CPS1: variants seen among roughly 807,000 people sequenced by gnomAD.
The protein encoded by CPS1 is carbamoyl-phosphate synthase [ammonia], mitochondrial.
Under a neutral mutation model 174.6 loss-of-function variants are expected in CPS1, and 109 were observed. The observed-to-expected ratio is 0.62, with a 90% CI of 0.53 to 0.73. CPS1 has a LOEUF of 0.73. Among genes scored for constraint, CPS1 ranks in the 30% least tolerant of loss-of-function variants. The pLI is 0.00. For synonymous variants in CPS1, 637 were observed against 632.0 expected, an observed-to-expected ratio of 1.01 and a Z score of -0.12; for missense variants, 1,689 against 1,821.9, an observed-to-expected ratio of 0.93 and a Z score of 1.33.
At chr2:210,599,698 A>C in intron 14 of CPS1, 137 bp downstream of exon 14, 1 of 863,838 alleles carries the variant, frequency 1.2e-6, no homozygotes, top group Non-Finnish European at 1.9e-6. Context: ...GCAGTTAGCA[A>C]ACAGCCACTT....
At chr2:210,548,668 A>G (rs1462782438) in intron 1 of CPS1, among the ~76,000 whole-genome samples, 1 of 151,504 alleles carries the variant, frequency 6.6e-6, no homozygotes, top group Non-Finnish European at 1.5e-5. Flanking sequence ...CCCCTTCTTC[A>G]TCTCCTTCTT....
At position 210,594,574 on chromosome 2, in the gene CPS1, C is replaced by A; in HGVS notation, c.1231C>A (p.Pro411Thr). ...AGCTACCACCATTACATCAGTCTTA[C>A]CGAAGCCAGCACTAGTTGCATCTCG... The part of the protein sequence containing the change: ...GKATTITSVL[P>T]KPALVASRVE... The change falls in exon 12 of 38, where the codon CCG (proline) becomes ACG (threonine). Residue 411 changes from proline (P) to threonine (T), a missense_variant. By Grantham distance (38) the Pro-to-Thr change is conservative. Transcript: ENST00000233072. 1 of 1,611,236 alleles carries A rather than the reference C, an allele frequency of 6.2e-7. No homozygotes were observed. Among genetic ancestry groups the A allele is most frequent in the Non-Finnish European group, 8.5e-7 (1 of 1,178,234 alleles).
Position 210,642,599 on chromosome 2 carries a change from TGA to T in CPS1, c.3077_3078del (p.Glu1026ValfsTer2). 1 of 1,614,084 alleles carries T rather than the reference TGA, an allele frequency of 6.2e-7. No individual in the cohort carries two copies. The highest frequency in any genetic ancestry group is 8.5e-7 in the Non-Finnish European group (1 of 1,179,994). Reference protein sequence around the residue: ...NPETVSTDFDECDKLYFEELS... With the variant: ...NPETVSTDFDXCDKLYFEELS... ...CTGAGACTGTGAGCACAGACTTTGATGAGTGTGACAAACTGTACTTTGAAGAG... is the reference window on the plus strand; with the variant it reads ...CTGAGACTGTGAGCACAGACTTTGATGTGTGACAAACTGTACTTTGAAGAG... On this transcript the variant is annotated frameshift_variant, in exon 25 of 38. Coordinates refer to ENST00000233072, the MANE Select transcript of CPS1 (RefSeq NM_001875.5). LOFTEE classifies it high-confidence loss of function.
chr2:210,545,227 G>A (rs1313239473), intron 1 of CPS1, among the ~76,000 whole-genome samples: 1 of 152,052 alleles, frequency 6.6e-6, no homozygotes, highest in Admixed American at 6.6e-5. Flanking sequence ...ACGGTCAGAA[G>A]TTTGTTTGCT....
intron 1 of CPS1, among the ~76,000 whole-genome samples, chr2:210,523,790 G>T (rs919313958): frequency 6.6e-6 from 1 of 151,960 alleles, no homozygotes; most frequent in Non-Finnish European, 1.5e-5. Flanking sequence ...CCTGCAGTGG[G>T]TGTGCCTGAA....
intron 28 of CPS1, among the ~76,000 whole-genome samples, chr2:210,652,241 A>C (rs1700580239): frequency 6.6e-6 from 1 of 152,198 alleles, no homozygotes; most frequent in Non-Finnish European, 1.5e-5. Flanking sequence ...GCTGATTATT[A>C]ATGATGGTGC....
At chr2:210,513,537 A>T (rs1695590346) in intron 1 of CPS1, among the ~76,000 whole-genome samples, 3 of 151,630 alleles carry the variant, frequency 2.0e-5, no homozygotes, top group Admixed American at 2.0e-4. Context: ...AATGGGGTTA[A>T]GTTGGTTTTT....
In CPS1 at chr2:210,612,293, G is replaced by A; in HGVS notation, c.2568G>A (p.Lys856=). 1 of 1,611,724 alleles carries A rather than the reference G, an allele frequency of 6.2e-7. No homozygotes were observed. Among genetic ancestry groups the A allele is most frequent in the Non-Finnish European group, 8.5e-7 (1 of 1,178,462 alleles). ...PSSTRIYAIA[K]AIDDNMSLDE... The stretch of plus-strand genomic sequence containing the variant: ...GCACGCGTATCTATGCCATTGCCAA[G>A]GTAAGATGTTACAAGGGGCCCACAG... The change falls in exon 20 of 38, where the codon AAG becomes AAA. Residue 856 remains lysine, a splice_region_variant and synonymous_variant. Transcript: ENST00000233072.
At chr2:210,566,491 G>C (rs1407285061) in intron 1 of CPS1, among the ~76,000 whole-genome samples, 2 of 152,106 alleles carry the variant, frequency 1.3e-5, no homozygotes, top group Non-Finnish European at 2.9e-5. Context: ...GTTGACCTGG[G>C]CCTGTTGTGG....
intron 25 of CPS1, among the ~76,000 whole-genome samples, chr2:210,644,859 A>G (rs80240498): frequency 0.011 from 1,609 of 152,308 alleles, 23 homozygotes; most frequent in African/African-American, 0.037. Flanking sequence ...GAAAACTAAG[A>G]TGGGTAAAAA....
At chr2:210,610,054 T>C (rs1650923687) in intron 19 of CPS1, among the ~76,000 whole-genome samples, 1 of 151,968 alleles carries the variant, frequency 6.6e-6, no homozygotes, top group Admixed American at 6.6e-5. Context: ...TTTTTCTCCA[T>C]TATAGTTGTT....
At chr2:210,611,480 T>A (rs1168866742) in intron 19 of CPS1, among the ~76,000 whole-genome samples, 1 of 151,968 alleles carries the variant, frequency 6.6e-6, no homozygotes, top group Non-Finnish European at 1.5e-5. Flanking sequence ...CCAAACTAAA[T>A]CACCACATAA....
chr2:210,636,661 T>C (rs1574624419), intron 21 of CPS1, among the ~76,000 whole-genome samples: 1 of 151,950 alleles, frequency 6.6e-6, no homozygotes, highest in East Asian at 1.9e-4. Context: ...AACTGTATGA[T>C]TCTATGTCCA....
Position 210,668,262 on chromosome 2 carries a change from AAGGCATCCTGAT to A in CPS1, c.4088_4099del (p.Leu1363_Ile1366del), listed in dbSNP as rs766705843. 6.2e-7 allele frequency: 1 copy of A among 1,613,558 alleles called. No homozygotes were observed. The highest frequency in any genetic ancestry group is 2.2e-5 in the East Asian group (1 of 44,880). On this transcript the variant is annotated inframe_deletion, in exon 34 of 38. Coordinates refer to ENST00000233072, the MANE Select transcript of CPS1 (RefSeq NM_001875.5). ...TCCACAGGATTTAAGATACCCCAGAAAGGCATCCTGATAGGCATCCAGGTAAGTGGTTTGTGG... is the reference window on the plus strand; with the variant it reads ...TCCACAGGATTTAAGATACCCCAGAAAGGCATCCAGGTAAGTGGTTTGTGG...
At chr2:210,595,340 T>TC (rs1698449213) in intron 12 of CPS1, 147 bp from the exon 13 acceptor site, 3 of 622,254 alleles carry the variant, frequency 4.8e-6, no homozygotes, top group Non-Finnish European at 8.7e-6. Context: ...TTAGTCTTTT[T>TC]CCCTATATAT....
intron 33 of CPS1, among the ~76,000 whole-genome samples, chr2:210,667,764 A>C (rs758004906): frequency 4.6e-5 from 7 of 152,222 alleles, no homozygotes; most frequent in South Asian, 2.1e-4. Context: ...GCACGGCTGC[A>C]TAGTATATAT....
At chr2:210,634,460 C>G (rs1054653718) in intron 21 of CPS1, among the ~76,000 whole-genome samples, 8 of 152,056 alleles carry the variant, frequency 5.3e-5, no homozygotes, top group African/African-American at 1.9e-4. Flanking sequence ...CCTCTACTTT[C>G]AAAATTAATT....
At chr2:210,506,322 T>C (rs989588461) in intron 1 of CPS1, among the ~76,000 whole-genome samples, 3 of 152,010 alleles carry the variant, frequency 2.0e-5, no homozygotes, top group Admixed American at 6.5e-5. Context: ...CAGCTGAGGG[T>C]CCTGACTGTT....
chr2:210,630,401 A>G (rs1358831251), intron 21 of CPS1, among the ~76,000 whole-genome samples: 1 of 152,176 alleles, frequency 6.6e-6, no homozygotes, highest in Non-Finnish European at 1.5e-5. Flanking sequence ...TGTTGATTTT[A>G]CTGTTATTAT....
Sources: gnomAD v4.1 joint callset for allele counts (sites outside exome capture counted in the v4.1 genomes callset) on GRCh38, gnomAD v4.1.1 for gene constraint, MANE v1.5 for transcripts, NCBI Gene and HGNC (gene_info 2026-07-23, HGNC 2026-07-21) for gene names.